The following ANKRD36C variants were observed in gnomAD, a reference collection of about 807,000 sequenced individuals.
The protein encoded by ANKRD36C is ankyrin repeat domain 36C.
Under a neutral mutation model 276.4 loss-of-function variants are expected in ANKRD36C, and 61 were observed. That is an observed-to-expected ratio of 0.22 (90% CI 0.18 to 0.27). ANKRD36C has a LOEUF of 0.27. ANKRD36C is among the 10% of genes least tolerant of loss of function. The pLI, the probability that ANKRD36C is intolerant of heterozygous loss-of-function variation, is 1.00. For missense variants in ANKRD36C, 1,447 were observed against 2,032.3 expected (o/e 0.71, Z 5.54); for synonymous variants, 483 against 680.1 (o/e 0.71, Z 4.51).
chr2:95,890,436 A>T (rs982518537), intron 46 of ANKRD36C, among the ~76,000 whole-genome samples: 1 of 151,488 alleles, frequency 6.6e-6, no homozygotes, highest in African/African-American at 2.4e-5. Context: ...TTTGCCCAAT[A>T]ACTGAGAAGG....
At position 95,939,206 on chromosome 2, in the gene ANKRD36C, A is replaced by G. The variant is rs527998632; in HGVS notation, c.1532-191T>C. Among the ~76,000 whole-genome samples the G allele has an allele frequency of 2.0e-5, 3 of 152,372 alleles. No individual in the cohort carries two copies. The South Asian group carries it at 6.3e-4, about 32-fold the overall frequency. On this transcript the variant is annotated intron_variant, in intron 20 of 66. Coordinates refer to ENST00000456556, the Ensembl canonical transcript of ANKRD36C. ...GACAGGAATATACACATGAAAAATC[A>G]CAATATAGATTCTATAAAACATGCA...
At chr2:95,972,092 T>C (rs1678712095) in intron 6 of ANKRD36C, among the ~76,000 whole-genome samples, 1 of 152,192 alleles carries the variant, frequency 6.6e-6, no homozygotes, top group Non-Finnish European at 1.5e-5. Context: ...AAATAATTCA[T>C]ATAACAGTCA....
In ANKRD36C at chr2:95,939,611, A is replaced by G. The variant is rs1274302457; in HGVS notation, c.1532-596T>C. 5.3e-5 allele frequency among the ~76,000 whole-genome samples: 8 copies of G among 151,748 alleles called. No individual in the cohort carries two copies. The East Asian group carries it at 1.0e-3, about 19-fold the overall frequency. Reference sequence around the variant, plus strand: ...TCCCAGCTACTCAGGAGGCTGAGGCAGGAGAATGGCGTGAATCCGGGAGGT... The same window carrying G: ...TCCCAGCTACTCAGGAGGCTGAGGCGGGAGAATGGCGTGAATCCGGGAGGT... On this transcript the variant is annotated intron_variant, in intron 20 of 66. Transcript: ENST00000456556.
chr2:95,892,174 G>C (rs143764178), intron 44 of ANKRD36C, among the ~76,000 whole-genome samples: 220 of 151,632 alleles, frequency 1.5e-3, no homozygotes, highest in Non-Finnish European at 2.6e-3. Flanking sequence ...AATCAGAGGA[G>C]CAACTCATAC....
At chr2:95,884,368 A>T (rs762344419) in exon 53 of ANKRD36C, 1 of 1,610,860 alleles carries the variant, frequency 6.2e-7, no homozygotes, top group South Asian at 1.1e-5. Flanking sequence ...CTGAGAAGAC[A>T]CTGAAAAGCA....
chr2:95,918,662 A>G (rs527586069), intron 34 of ANKRD36C, among the ~76,000 whole-genome samples: 2 of 151,670 alleles, frequency 1.3e-5, no homozygotes, highest in Non-Finnish European at 3.0e-5. Context: ...TCTTGGATCC[A>G]CTAGTTTATC....
intron 36 of ANKRD36C, 85 bp downstream of exon 38, chr2:95,917,770 A>C (rs548170267): frequency 1.3e-5 from 19 of 1,496,484 alleles, no homozygotes; most frequent in Admixed American, 8.8e-5. Flanking sequence ...AGCACCCCCA[A>C]CCGCCCTCCG....
chr2:95,917,546 C>G (rs1024104349), intron 36 of ANKRD36C, among the ~76,000 whole-genome samples: 1 of 151,464 alleles, frequency 6.6e-6, no homozygotes, highest in Non-Finnish European at 1.5e-5. Context: ...CTTAGTGAAA[C>G]CATGCTGTAG....
At chr2:95,967,289 A>G (rs1453805698) in intron 6 of ANKRD36C, among the ~76,000 whole-genome samples, 4 of 152,234 alleles carry the variant, frequency 2.6e-5, no homozygotes, top group Non-Finnish European at 5.9e-5. Context: ...GAACTTAAAT[A>G]AATTTACAAG....
At chr2:95,931,172 A>G (rs1359606783) in intron 24 of ANKRD36C, among the ~76,000 whole-genome samples, 6 of 151,728 alleles carry the variant, frequency 4.0e-5, no homozygotes, top group Non-Finnish European at 7.4e-5. Flanking sequence ...ACACATGTGA[A>G]GATAAGGTTT....
chr2:95,871,011 C>G (rs1675797690), intron 59 of ANKRD36C, among the ~76,000 whole-genome samples: 1 of 152,066 alleles, frequency 6.6e-6, no homozygotes, highest in Non-Finnish European at 1.5e-5. Context: ...AAATATGGGA[C>G]TAAGTGAAAA....
chr2:95,970,885 A>T (rs1678683664), intron 6 of ANKRD36C, among the ~76,000 whole-genome samples: 1 of 152,138 alleles, frequency 6.6e-6, no homozygotes, highest in African/African-American at 2.4e-5. Flanking sequence ...AGAAGGATGA[A>T]CCAGTTAGTG....
At chr2:95,986,398 A>C (rs1395957367) in intron 3 of ANKRD36C, among the ~76,000 whole-genome samples, 1 of 152,180 alleles carries the variant, frequency 6.6e-6, no homozygotes, top group Non-Finnish European at 1.5e-5. Flanking sequence ...CCTATTTATA[A>C]GGGCCAATTT....
intron 54 of ANKRD36C, 38 bp downstream of exon 74, chr2:95,884,135 G>C: frequency 2.5e-6 from 4 of 1,574,678 alleles, no homozygotes; most frequent in Non-Finnish European, 3.5e-6. Flanking sequence ...TTTTCTATCT[G>C]GACTGAACAT....
chr2:95,912,791 T>C (rs554941983), intron 40 of ANKRD36C, among the ~76,000 whole-genome samples: 9 of 151,574 alleles, frequency 5.9e-5, no homozygotes, highest in African/African-American at 7.2e-5. Flanking sequence ...ACAGGTGCTA[T>C]ATGATCCCAT....
chr2:95,889,570 A>G (rs1372128855), intron 48 of ANKRD36C, among the ~76,000 whole-genome samples: 1 of 151,494 alleles, frequency 6.6e-6, no homozygotes, highest in Non-Finnish European at 1.5e-5. Context: ...TTGCGGTCAG[A>G]TGGTTCTTTT....
chr2:95,988,132 T>A, intron 1 of ANKRD36C, among the ~76,000 whole-genome samples: 1 of 142,874 alleles, frequency 7.0e-6, no homozygotes, highest in Non-Finnish European at 1.5e-5. Context: ...CTAAATAAAG[T>A]ACTGTGGAAA....
intron 60 of ANKRD36C, among the ~76,000 whole-genome samples, chr2:95,865,559 A>T (rs188323095): frequency 6.6e-6 from 1 of 152,120 alleles, no homozygotes; most frequent in Non-Finnish European, 1.5e-5. Context: ...TTGCATATAC[A>T]TGATGAGATA....
At position 95,917,838 on chromosome 2, in the gene ANKRD36C, G is replaced by A. The variant is rs753961752; in HGVS notation, c.2347+17C>T. 1.3e-6 allele frequency: 2 copies of A among 1,587,210 alleles called. No homozygotes were observed. The highest frequency in any genetic ancestry group is 2.7e-5 in the African/African-American group (2 of 73,782). The stretch of plus-strand genomic sequence containing the variant: ...ATCTGGATTGAACGTGACATTAAAT[G>A]TCTTTTGCAAAATTACCTGTCCCAG... On this transcript the variant is annotated intron_variant, in intron 36 of 66. Transcript: ENST00000456556.
Sources: gnomAD v4.1 joint callset for allele counts (sites outside exome capture counted in the v4.1 genomes callset) on GRCh38, gnomAD v4.1.1 for gene constraint, MANE v1.5 for transcripts, NCBI Gene and HGNC (gene_info 2026-07-23, HGNC 2026-07-21) for gene names.